Variants in GALNT1 observed in about 807,000 individuals in gnomAD.
GALNT1 encodes the protein GalNAc transferase 1.
Under a neutral mutation model 65.7 loss-of-function variants are expected in GALNT1, and 17 were observed. The observed-to-expected ratio is 0.26, with a 90% CI of 0.18 to 0.39. The LOEUF (loss-of-function observed/expected upper bound fraction) is 0.39. Ranked by LOEUF, GALNT1 falls within the 10% of genes least tolerant of loss-of-function variation. The probability of loss-of-function intolerance (pLI) is 1.00; values close to 1 mark genes in which losing one functional copy is unlikely to be tolerated. For synonymous variants in GALNT1, 210 were observed against 219.7 expected, an observed-to-expected ratio of 0.96 and a Z score of 0.39; for missense variants, 460 against 672.8, an observed-to-expected ratio of 0.68 and a Z score of 3.50.
At chr18:35,590,726 A>G (rs949674995) in intron 1 of GALNT1, among the ~76,000 whole-genome samples, 1 of 152,178 alleles carries the variant, frequency 6.6e-6, no homozygotes, top group African/African-American at 2.4e-5. Context: ...ATTCCTAAGA[A>G]TTAGTGAGTT....
At chr18:35,634,159 G>A (rs1449200647) in intron 1 of GALNT1, among the ~76,000 whole-genome samples, 1 of 152,106 alleles carries the variant, frequency 6.6e-6, no homozygotes, top group Non-Finnish European at 1.5e-5. Flanking sequence ...GTATGAGTGT[G>A]TTGTTCATTT....
intron 1 of GALNT1, among the ~76,000 whole-genome samples, chr18:35,634,446 G>T (rs1018168327): frequency 2.6e-5 from 4 of 152,170 alleles, no homozygotes; most frequent in African/African-American, 9.7e-5. Flanking sequence ...AGCATCAGTT[G>T]TACTAACAGC....
chr18:35,617,485 T>C (rs2046799802), intron 1 of GALNT1, among the ~76,000 whole-genome samples: 1 of 152,176 alleles, frequency 6.6e-6, no homozygotes, highest in Non-Finnish European at 1.5e-5. Flanking sequence ...TTCTAACATA[T>C]ATAAAAGTAG....
At position 35,685,832 on chromosome 18, in the gene GALNT1, C is replaced by T. The variant is rs529259274; in HGVS notation, c.690-1184C>T. 3.1e-3 allele frequency among the ~76,000 whole-genome samples: 479 copies of T among 152,246 alleles called. 3 individuals are homozygous for T. The highest frequency in any genetic ancestry group is 0.011 in the African/African-American group (451 of 41,546). On this transcript the variant is annotated intron_variant, in intron 5 of 11. Coordinates refer to ENST00000269195, the MANE Select transcript of GALNT1 (RefSeq NM_020474.4). The stretch of plus-strand genomic sequence containing the variant: ...CTGTAATCCCAGCTCTTTGGGAGAC[C>T]GAGGTGGGCAGATCACTTGAACCCA...
chr18:35,663,791 T>A lies in GALNT1; in HGVS notation c.303T>A (p.Val101=). ...MIALNRSLPD[V]RLEGCKTKVY... ...CACTCAACAGATCTTTACCAGATGT[T>A]AGGTTAGAAGGGTAAGTACTTACTG... Residue 101 remains valine, a synonymous_variant, in exon 3 of 12, where the codon GTT becomes GTA. Coordinates refer to ENST00000269195, the MANE Select transcript of GALNT1 (RefSeq NM_020474.4). 6.2e-7 allele frequency: 1 copy of A among 1,613,542 alleles called. No individual in the cohort carries two copies. Among genetic ancestry groups the A allele is most frequent in the Non-Finnish European group, 8.5e-7 (1 of 1,179,814 alleles).
At chr18:35,596,228 T>G (rs2046503334) in intron 1 of GALNT1, 1 of 152,178 alleles carries the variant, frequency 6.6e-6, no homozygotes, top group African/African-American at 2.4e-5. Context: ...GCTCTGACTG[T>G]AGCTTGATTC....
At chr18:35,611,600 A>G (rs1201607124) in intron 1 of GALNT1, among the ~76,000 whole-genome samples, 1 of 152,210 alleles carries the variant, frequency 6.6e-6, no homozygotes, top group Non-Finnish European at 1.5e-5. Flanking sequence ...TAATCAGACA[A>G]AAGTAAGGAT....
intron 1 of GALNT1, chr18:35,591,930 A>G (rs1037361026): frequency 6.5e-6 from 1 of 154,400 alleles, no homozygotes; most frequent in African/African-American, 2.4e-5. Context: ...ACAGCAATGG[A>G]AAAAAACAGA....
chr18:35,622,723 CCTT>C (rs2046869258), intron 1 of GALNT1, among the ~76,000 whole-genome samples: 1 of 149,426 alleles, frequency 6.7e-6, no homozygotes, highest in Non-Finnish European at 1.5e-5. Context: ...CTTTTTTTTT[CCTT>C]CTTGTTGTAC....
In GALNT1 at chr18:35,709,868, T is replaced by A. The variant is rs1014961351; in HGVS notation, c.*98T>A. ...TTAAGTAGCAAAAAAGGAAAAGTGC[T>A]TTCCTCCTCTGCAGGATGTAAGGTT... On this transcript the variant is annotated 3_prime_UTR_variant, in exon 12 of 12. Transcript: ENST00000269195. 1 of 1,356,520 alleles carries A rather than the reference T, an allele frequency of 7.4e-7. No homozygotes were observed. Among genetic ancestry groups the A allele is most frequent in the Non-Finnish European group, 1.0e-6 (1 of 988,990 alleles). 84.0% of individuals were successfully genotyped at this position (1,356,520 alleles called of 1,614,324 possible).
chr18:35,589,143 G>A (rs1045992374), intron 1 of GALNT1, among the ~76,000 whole-genome samples: 1 of 152,148 alleles, frequency 6.6e-6, no homozygotes, highest in Non-Finnish European at 1.5e-5. Context: ...CTCCCCACTT[G>A]GCCTTTCTTG....
chr18:35,672,938 T>G (rs1224335878), intron 3 of GALNT1, among the ~76,000 whole-genome samples: 1 of 152,128 alleles, frequency 6.6e-6, no homozygotes, highest in Non-Finnish European at 1.5e-5. Flanking sequence ...TTAGGGAAAT[T>G]AAATGATTTG....
At chr18:35,685,940 T>C (rs1394976574) in intron 5 of GALNT1, among the ~76,000 whole-genome samples, 1 of 152,042 alleles carries the variant, frequency 6.6e-6, no homozygotes, top group Non-Finnish European at 1.5e-5. Context: ...TGGTGGTGCA[T>C]GCCTATAGTC....
chr18:35,610,097 C>G (rs1313653235), intron 1 of GALNT1, among the ~76,000 whole-genome samples: 1 of 152,158 alleles, frequency 6.6e-6, no homozygotes, highest in Non-Finnish European at 1.5e-5. Flanking sequence ...CCATTTTAGA[C>G]AGAGAAAGCA....
chr18:35,629,129 T>A (rs560392391), intron 1 of GALNT1, among the ~76,000 whole-genome samples: 3 of 152,180 alleles, frequency 2.0e-5, no homozygotes, highest in Admixed American at 1.3e-4. Context: ...TGGAACCAAG[T>A]TGGAAAACAC....
intron 7 of GALNT1, 68 bp downstream of exon 7, chr18:35,689,358 G>GT: frequency 1.2e-6 from 1 of 865,838 alleles, no homozygotes; most frequent in East Asian, 2.5e-5. Context: ...GATTATTCAT[G>GT]TATCTCTACA....
intron 1 of GALNT1, among the ~76,000 whole-genome samples, chr18:35,640,394 T>C (rs1568021718): frequency 6.6e-6 from 1 of 152,160 alleles, no homozygotes. Flanking sequence ...TCTAACAAAA[T>C]TGTGTTAAAC....
intron 1 of GALNT1, among the ~76,000 whole-genome samples, chr18:35,642,667 T>C (rs2047179879): frequency 6.6e-6 from 1 of 152,292 alleles, no homozygotes; most frequent in African/African-American, 2.4e-5. Flanking sequence ...TCAAATAGTA[T>C]AGTCTGTCTC....
chr18:35,639,860 G>A (rs562432403), intron 1 of GALNT1, among the ~76,000 whole-genome samples: 4 of 152,082 alleles, frequency 2.6e-5, no homozygotes, highest in Non-Finnish European at 5.9e-5. Flanking sequence ...GCAGTGGTGC[G>A]ATCTCAGCTC....
Sources: gnomAD v4.1 joint callset for allele counts (sites outside exome capture counted in the v4.1 genomes callset) on GRCh38, gnomAD v4.1.1 for gene constraint, MANE v1.5 for transcripts, NCBI Gene and HGNC (gene_info 2026-07-23, HGNC 2026-07-21) for gene names.